The following HERC1 variants were observed in gnomAD, a reference collection of about 807,000 sequenced individuals.
HERC1 encodes the protein HECT and RLD domain containing E3 ubiquitin protein ligase family member 1, also known as probable E3 ubiquitin-protein ligase HERC1.
In HERC1, 160 loss-of-function variants were observed where a neutral mutation model predicts 554.3. The ratio of observed to expected loss-of-function variants is 0.29; its 90% confidence interval spans 0.25 to 0.33. HERC1 has a LOEUF of 0.33. Among genes scored for constraint, HERC1 ranks in the 10% least tolerant of loss-of-function variants. The pLI is 1.00. For missense variants in HERC1, 4,919 were observed against 5,918.5 expected (o/e 0.83, Z 5.54); for synonymous variants, 2,175 against 2,131.7 (o/e 1.02, Z -0.56).
At chr15:63,628,949 C>T in intron 69 of HERC1, 134 bp from the exon 70 acceptor site, 1 of 760,468 alleles carries the variant, frequency 1.3e-6, no homozygotes, top group South Asian at 1.8e-5. Flanking sequence ...CAATAAAACA[C>T]ATTCTTTTTT....
chr15:63,658,618 C>T lies in HERC1; in HGVS notation c.9525G>A (p.Arg3175=), dbSNP rs2070179549. Residue 3175 remains arginine, a synonymous_variant, in exon 48 of 78, where the codon AGG becomes AGA. Transcript: ENST00000443617. ...ANPHDRVVAL[R]RVTAAAQVLL... is the part of the protein sequence containing the mutation. ...GAACCTGAGCAGCAGCAGTCACTCT[C>T]CTTAAAGCCACCACACGGTCATGAG... 6.2e-7 allele frequency: 1 copy of T among 1,613,974 alleles called. No homozygotes were observed. The highest frequency in any genetic ancestry group is 8.5e-7 in the Non-Finnish European group (1 of 1,179,840).
chr15:63,693,326 C>A (rs1019677189), intron 30 of HERC1, among the ~76,000 whole-genome samples: 1 of 151,018 alleles, frequency 6.6e-6, no homozygotes, highest in Non-Finnish European at 1.5e-5. Context: ...TCACTGCAAT[C>A]TCCACCTCCC....
Position 63,643,567 on chromosome 15 carries a change from T to G in HERC1, c.11185-17A>C, listed in dbSNP as rs757611030. 7 of 1,512,046 alleles carry G rather than the reference T, an allele frequency of 4.6e-6. No homozygotes were observed. Among genetic ancestry groups the G allele is most frequent in the Non-Finnish European group, 5.4e-6 (6 of 1,117,650 alleles). The allele number at this position is 1,512,046 out of a possible 1,614,324, so 93.7% of individuals were successfully genotyped here. ...ATATCCATCCTGAAATTCATTATTT[T>G]TAACATGCATTAAAATAAAGATAAA... On this transcript the variant is annotated splice_polypyrimidine_tract_variant and intron_variant, in intron 57 of 77. Transcript: ENST00000443617.
intron 31 of HERC1, among the ~76,000 whole-genome samples, chr15:63,691,522 T>C (rs999461150): frequency 2.0e-5 from 3 of 152,014 alleles, no homozygotes; most frequent in Non-Finnish European, 2.9e-5. Flanking sequence ...AATAGGATAC[T>C]GATACATAAA....
At chr15:63,651,838 C>T (rs2069700559) in intron 52 of HERC1, among the ~76,000 whole-genome samples, 1 of 152,088 alleles carries the variant, frequency 6.6e-6, no homozygotes, top group South Asian at 2.1e-4. Flanking sequence ...GAGTTTGAGA[C>T]CAGCCTGGCC....
chr15:63,656,003 G>A (rs1355730783), intron 49 of HERC1, 48 bp from the exon 50 acceptor site: 1 of 1,591,078 alleles, frequency 6.3e-7, no homozygotes, highest in African/African-American at 1.3e-5. Context: ...ATGTAATTTT[G>A]GAACAAAAAT....
At chr15:63,707,403 G>C (rs1351970582) in intron 24 of HERC1, among the ~76,000 whole-genome samples, 2 of 152,212 alleles carry the variant, frequency 1.3e-5, no homozygotes, top group East Asian at 3.8e-4. Flanking sequence ...ACTACAGACA[G>C]TTTAATAAAG....
At position 63,752,961 on chromosome 15, in the gene HERC1, C is replaced by T. The variant is rs761921480; in HGVS notation, c.1899G>A (p.Gly633=). 1.2e-6 allele frequency: 2 copies of T among 1,613,412 alleles called. No homozygotes were observed. The highest frequency in any genetic ancestry group is 1.7e-6 in the Non-Finnish European group (2 of 1,179,558). The change falls in exon 8 of 78, where the codon GGG becomes GGA. Residue 633 remains glycine (G), a synonymous_variant. Transcript: ENST00000443617. The part of the protein sequence containing the change: ...SQSSLALTST[G]QVYAWGCGAC... ...TATACTCATCCCTTAGTCCTACCTG[C>T]CCTGTTGATGTCAAAGCAAGTGAAG...
At chr15:63,710,702 G>A (rs2073247921) in intron 24 of HERC1, among the ~76,000 whole-genome samples, 1 of 152,168 alleles carries the variant, frequency 6.6e-6, no homozygotes, top group African/African-American at 2.4e-5. Flanking sequence ...TTTTAAATAG[G>A]GTGGTCAGCA....
intron 66 of HERC1, among the ~76,000 whole-genome samples, chr15:63,634,289 T>C (rs193026931): frequency 2.0e-5 from 3 of 152,300 alleles, no homozygotes; most frequent in Admixed American, 1.3e-4. Flanking sequence ...AGGAATGATA[T>C]AGAAAAAGCC....
rs776899467 is a variant in HERC1, at chr15:63,645,006, C to T, written c.11170G>A (p.Glu3724Lys). 5 of 1,611,710 alleles carry T rather than the reference C, an allele frequency of 3.1e-6. No homozygotes were observed. The highest frequency in any genetic ancestry group is 2.2e-5 in the East Asian group (1 of 44,860). Residue 3724 changes from glutamate (E) to lysine (K), a missense_variant, in exon 57 of 78, where the codon GAA (glutamate) becomes AAA (lysine). By Grantham distance (56) the Glu-to-Lys change is moderately conservative (BLOSUM62 1). This residue lies in a region of HERC1 where 1,963 missense variants were observed against 2,228.6 expected (regional missense o/e 0.88). Coordinates refer to ENST00000443617, the MANE Select transcript of HERC1 (RefSeq NM_003922.4). ...CAGAATGTTACCTGGCAATTTGATT[C>T]CTGCTCCCACCATCCTTCTGCACTA... Reference protein sequence around the residue: ...VTSAEGWWEQESNCQDGYRKS... With the variant: ...VTSAEGWWEQKSNCQDGYRKS...
chr15:63,822,048 G>T (rs149645302), intron 1 of HERC1, among the ~76,000 whole-genome samples: 2 of 152,048 alleles, frequency 1.3e-5, no homozygotes, highest in East Asian at 3.9e-4. Context: ...CAGGGGTGAA[G>T]TCTGAGGCAC....
In HERC1 at chr15:63,645,646, G is replaced by A. The variant is rs774571968; in HGVS notation, c.10915C>T (p.His3639Tyr). Reference protein sequence around the residue: ...LISMKWDPTGHILMTCAKEDS... With the variant: ...LISMKWDPTGYILMTCAKEDS... ...TCTTTGGCACATGTCATAAGAATAT[G>A]ACCTGTAGGGTCCCACTTCATGCTA... The change falls in exon 56 of 78, where the codon CAT becomes TAT. Residue 3639 changes from histidine to tyrosine, a missense_variant. By Grantham distance (83) the His-to-Tyr change is moderately conservative. Coordinates refer to ENST00000443617, the MANE Select transcript of HERC1 (RefSeq NM_003922.4). The A allele has an allele frequency of 2.5e-6, 4 of 1,605,608 alleles. No homozygotes were observed. The highest frequency in any genetic ancestry group is 3.4e-6 in the Non-Finnish European group (4 of 1,176,462).
intron 74 of HERC1, among the ~76,000 whole-genome samples, chr15:63,619,678 G>T (rs906282588): frequency 1.3e-5 from 2 of 152,036 alleles, no homozygotes; most frequent in Non-Finnish European, 2.9e-5. Flanking sequence ...TTCAGAGCCT[G>T]TTTGGTCTAT....
At chr15:63,646,532 TG>T (rs1433788379) in intron 55 of HERC1, among the ~76,000 whole-genome samples, 8 of 148,900 alleles carry the variant, frequency 5.4e-5, no homozygotes, top group Non-Finnish European at 4.4e-5. Context: ...CTGGGCACCG[TG>T]GCTCACGCCC....
intron 1 of HERC1, among the ~76,000 whole-genome samples, chr15:63,776,699 C>T (rs1387298709): frequency 6.6e-6 from 1 of 152,144 alleles, no homozygotes; most frequent in African/African-American, 2.4e-5. Flanking sequence ...GGCATGGTGG[C>T]TCACACCCAT....
In HERC1 at chr15:63,749,653, A is replaced by T; in HGVS notation, c.2041T>A (p.Ser681Thr). ...TAAAAACAAATGACTTTACCATGAG[A>T]AAGAGCCAAACAATGACTGTCTCCA... Reference protein sequence around the residue: ...SIGDSHCLALSHDNEVYAWGN... With the variant: ...SIGDSHCLALTHDNEVYAWGN... Residue 681 changes from serine to threonine, a missense_variant, in exon 9 of 78, where the codon TCT becomes ACT. Ser to Thr is a moderately conservative substitution (Grantham distance 58, BLOSUM62 1). Transcript: ENST00000443617. This position sits in a 1 kb window ranked among gnomAD's most constrained non-coding sequence, Gnocchi z 4.1. 6.3e-7 allele frequency: 1 copy of T among 1,599,202 alleles called. No homozygotes were observed. Among genetic ancestry groups the T allele is most frequent in the Non-Finnish European group, 8.5e-7 (1 of 1,172,160 alleles).
Position 63,736,073 on chromosome 15 carries a change from A to G in HERC1, c.2521-1224T>C, listed in dbSNP as rs117148149. On this transcript the variant is annotated intron_variant, in intron 12 of 77. Transcript: ENST00000443617. ...GACCCCCCTCCCCAGAATGGAAAGG[A>G]AAAAACAGCATCAAAATTTTGGAAA... Among the ~76,000 whole-genome samples the G allele has an allele frequency of 9.8e-5, 15 of 152,324 alleles. No homozygotes were observed. The East Asian group carries it at 2.9e-3, about 29-fold the overall frequency.
intron 64 of HERC1, among the ~76,000 whole-genome samples, chr15:63,636,653 G>C (rs758802887): frequency 6.6e-6 from 1 of 152,160 alleles, no homozygotes; most frequent in Non-Finnish European, 1.5e-5. Flanking sequence ...GTGATGACAA[G>C]GAAAACGAGG....
Sources: gnomAD v4.1 joint callset for allele counts (sites outside exome capture counted in the v4.1 genomes callset) on GRCh38, gnomAD v4.1.1 for gene constraint, gnomAD v4.1.1 regional missense constraint, Gnocchi (gnomAD v3.1) non-coding constraint, MANE v1.5 for transcripts, NCBI Gene and HGNC (gene_info 2026-07-23, HGNC 2026-07-21) for gene names.